The following CREBRF variants were observed in gnomAD, a reference collection of about 807,000 sequenced individuals.
The protein encoded by CREBRF is CREB3 regulatory factor, also known as UPF0474 protein C5orf41.
A neutral mutation model predicts 66.1 loss-of-function variants in CREBRF; 5 were observed. The observed-to-expected ratio is 0.08, with a 90% confidence interval of 0.04 to 0.16. CREBRF has a LOEUF of 0.16. Ranked by LOEUF, CREBRF falls within the 10% of genes least tolerant of loss-of-function variation. The probability of loss-of-function intolerance (pLI) is 1.00; values close to 1 mark genes in which losing one functional copy is unlikely to be tolerated. For missense variants in CREBRF, 531 were observed against 744.9 expected (o/e 0.71, Z 3.34); for synonymous variants, 229 against 264.4 (o/e 0.87, Z 1.30).
chr5:173,080,881 C>T (rs1757920466), intron 2 of CREBRF, 97 bp downstream of exon 2: 1 of 1,191,620 alleles, frequency 8.4e-7, no homozygotes, highest in East Asian at 2.4e-5. Flanking sequence ...ACTTTGCATA[C>T]TACCTTTTTG....
chr5:173,089,616 G>A (rs1224933256), intron 3 of CREBRF, among the ~76,000 whole-genome samples: 1 of 149,496 alleles, frequency 6.7e-6, no homozygotes, highest in Non-Finnish European at 1.5e-5. Flanking sequence ...GAGGTCAGGA[G>A]TTTGAGACCA....
At chr5:173,089,662 A>T (rs1490340376) in intron 3 of CREBRF, among the ~76,000 whole-genome samples, 4 of 96,540 alleles carry the variant, frequency 4.1e-5, no homozygotes, top group Admixed American at 9.3e-5. Flanking sequence ...TCTCTACTTT[A>T]AAAAAAAAAA....
chr5:173,105,966 C>G (rs1758739078), intron 4 of CREBRF, among the ~76,000 whole-genome samples: 1 of 152,154 alleles, frequency 6.6e-6, no homozygotes, highest in Non-Finnish European at 1.5e-5. Flanking sequence ...ATGGCCCTTG[C>G]ATCTTTTCCA....
At chr5:173,112,619 TC>T (rs1382898883) in intron 7 of CREBRF, among the ~76,000 whole-genome samples, 4 of 152,194 alleles carry the variant, frequency 2.6e-5, no homozygotes. Flanking sequence ...AACAAGCTGA[TC>T]CACATTGTGA....
At chr5:173,112,587 A>G (rs915027198) in intron 7 of CREBRF, among the ~76,000 whole-genome samples, 12 of 152,282 alleles carry the variant, frequency 7.9e-5, no homozygotes, top group African/African-American at 2.9e-4. Context: ...TGACTTCCCA[A>G]TCCACATCTC....
At chr5:173,060,674 A>C (rs983917812) in intron 1 of CREBRF, among the ~76,000 whole-genome samples, 1 of 151,948 alleles carries the variant, frequency 6.6e-6, no homozygotes, top group African/African-American at 2.4e-5. Context: ...ACGAGACATA[A>C]ATTTGTCAGA....
Position 173,090,026 on chromosome 5 carries a change from G to C in CREBRF, c.136-289G>C, listed in dbSNP as rs149245216. 2.5e-3 allele frequency among the ~76,000 whole-genome samples: 384 copies of C among 152,170 alleles called. 2 individuals carry two copies. Among genetic ancestry groups the C allele is most frequent in the Non-Finnish European group, 3.2e-3 (219 of 68,008 alleles). On this transcript the variant is annotated intron_variant, in intron 3 of 8. Transcript: ENST00000296953. This position sits in a 1 kb window ranked among gnomAD's most constrained non-coding sequence, Gnocchi z 4.5. ...ACTTTTTTCAGGCAGAATGTTTATG[G>C]TAAACTCAAGAGCCCTTGATATTTG...
rs117088810 is a variant in CREBRF at position 173,066,902 on chromosome 5, C to T, written c.-192+10423C>T. On this transcript the variant is annotated intron_variant, in intron 1 of 8. Coordinates refer to ENST00000296953, the MANE Select transcript of CREBRF (RefSeq NM_153607.3). ...TGATAATGGCTCATTGTATCCTTGACCTCCTGGGCTAGAGTGATCCTCCTT... is the reference window on the plus strand; with the variant it reads ...TGATAATGGCTCATTGTATCCTTGATCTCCTGGGCTAGAGTGATCCTCCTT... Among the ~76,000 whole-genome samples, 187 of 148,104 alleles carry T rather than the reference C, an allele frequency of 1.3e-3. 2 individuals carry two copies. The East Asian group carries it at 0.033, about 26-fold the overall frequency.
At chr5:173,086,100 T>C (rs1436402153) in intron 2 of CREBRF, 1 of 818,418 alleles carries the variant, frequency 1.2e-6, no homozygotes, top group African/African-American at 1.7e-5. Context: ...TGCATAGTTG[T>C]CAAAAACAGT....
chr5:173,121,707 GT>G (rs1759143468), intron 7 of CREBRF, among the ~76,000 whole-genome samples: 1 of 152,116 alleles, frequency 6.6e-6, no homozygotes, highest in African/African-American at 2.4e-5. Flanking sequence ...GAGGGACTTG[GT>G]TTGATTTATT....
At chr5:173,128,508 T>A (rs1290665753) in intron 8 of CREBRF, among the ~76,000 whole-genome samples, 1 of 151,930 alleles carries the variant, frequency 6.6e-6, no homozygotes, top group East Asian at 1.9e-4. Context: ...TGAGAAAAGT[T>A]CCCAGTAATG....
At chr5:173,097,642 G>C (rs1047618786) in intron 4 of CREBRF, among the ~76,000 whole-genome samples, 1 of 152,084 alleles carries the variant, frequency 6.6e-6, no homozygotes, top group Non-Finnish European at 1.5e-5. Context: ...TTTCTAGGAA[G>C]TTATCCATTT....
chr5:173,125,973 T>G (rs905429275), intron 8 of CREBRF, among the ~76,000 whole-genome samples: 1 of 152,002 alleles, frequency 6.6e-6, no homozygotes, highest in African/African-American at 2.4e-5. Flanking sequence ...AGGTCAAGAG[T>G]TCTAGACCAG....
At chr5:173,074,414 G>A (rs888320887) in intron 1 of CREBRF, among the ~76,000 whole-genome samples, 1 of 151,940 alleles carries the variant, frequency 6.6e-6, no homozygotes, top group African/African-American at 2.4e-5. Flanking sequence ...CCTTTGGAAA[G>A]GAATTGAACA....
In CREBRF at chr5:173,086,195, A is replaced by G. The variant is rs1561801366; in HGVS notation, c.10-306A>G. Reference sequence around the variant, plus strand: ...CAGCACCATCACCCACAACATATTTAATTGTCTGCATTGCTGAAATAGTTT... The same window carrying G: ...CAGCACCATCACCCACAACATATTTGATTGTCTGCATTGCTGAAATAGTTT... On this transcript the variant is annotated intron_variant, in intron 2 of 8. Transcript: ENST00000296953. 5.2e-6 allele frequency: 4 copies of G among 767,696 alleles called. No individual in the cohort carries two copies. In the East Asian group the frequency reaches 9.9e-5, roughly 19 times the overall value. The allele number at this position is 767,696 out of a possible 1,614,324, so 47.6% of individuals were successfully genotyped here.
chr5:173,118,037 C>A (rs1759048464), intron 7 of CREBRF, among the ~76,000 whole-genome samples: 1 of 152,124 alleles, frequency 6.6e-6, no homozygotes, highest in African/African-American at 2.4e-5. Flanking sequence ...CCACGCCCAG[C>A]TAATTTTTTT....
rs115360991 is a variant in CREBRF, at chr5:173,057,085, G to T, written c.-192+606G>T. 6.9e-3 allele frequency among the ~76,000 whole-genome samples: 1,055 copies of T among 152,258 alleles called. 15 individuals are homozygous for T. The highest frequency in any genetic ancestry group is 0.024 in the African/African-American group (990 of 41,556). Reference sequence around the variant, plus strand: ...TGTCCCCGCCTCAGAGGCGACGGGCGAGGGGCCTCCCTCCCGGGATTTGTT... The same window carrying T: ...TGTCCCCGCCTCAGAGGCGACGGGCTAGGGGCCTCCCTCCCGGGATTTGTT... On this transcript the variant is annotated intron_variant, in intron 1 of 8. Coordinates refer to ENST00000296953, the MANE Select transcript of CREBRF (RefSeq NM_153607.3).
intron 1 of CREBRF, among the ~76,000 whole-genome samples, chr5:173,076,739 C>A (rs2560326): frequency 1.4e-5 from 2 of 142,580 alleles, no homozygotes; most frequent in Non-Finnish European, 1.5e-5. Context: ...CTGGGGGACA[C>A]AGTCAGTCTC....
intron 1 of CREBRF, among the ~76,000 whole-genome samples, chr5:173,064,293 G>A (rs1451539214): frequency 1.3e-5 from 2 of 152,172 alleles, no homozygotes; most frequent in Non-Finnish European, 2.9e-5. Flanking sequence ...TAGGGTGGGT[G>A]TACTTTTGAA....
Sources: allele counts gnomAD v4.1 joint callset (sites outside exome capture counted in the v4.1 genomes callset), GRCh38; gene constraint gnomAD v4.1.1; non-coding constraint Gnocchi (gnomAD v3.1); transcripts MANE v1.5; gene names NCBI Gene and HGNC (gene_info 2026-07-23, HGNC 2026-07-21).